Variants in TP63 observed in about 807,000 individuals in gnomAD.
TP63 encodes tumor protein p63, also known as tumor protein 63.
A neutral mutation model predicts 82.8 loss-of-function variants in TP63; 17 were observed. The observed-to-expected ratio is 0.21, with a 90% CI of 0.14 to 0.31. The LOEUF (loss-of-function observed/expected upper bound fraction) is 0.31, where lower values mean the gene tolerates loss of function less well. Ranked by LOEUF, TP63 falls within the 10% of genes least tolerant of loss-of-function variation. TP63 has a pLI of 1.00. For missense variants in TP63, 648 were observed against 895.3 expected, an observed-to-expected ratio of 0.72 and a Z score of 3.52; for synonymous variants, 330 against 321.7, an observed-to-expected ratio of 1.03 and a Z score of -0.28.
the TP63 span, among the ~76,000 whole-genome samples, chr3:189,607,515 T>A: frequency 6.6e-5 from 10 of 152,068 alleles, no homozygotes; most frequent in South Asian, 2.1e-4. Context: ...TGAAATTTTT[T>A]AAAAAATAAT....
At chr3:189,761,191 A>AT (rs2108538591) in intron 3 of TP63, among the ~76,000 whole-genome samples, 1 of 152,248 alleles carries the variant, frequency 6.6e-6, no homozygotes, top group South Asian at 2.1e-4. Flanking sequence ...ACTTATGCAA[A>AT]TTGCTGCAGC....
At chr3:189,881,888 C>T (rs903108904) in intron 10 of TP63, among the ~76,000 whole-genome samples, 7 of 151,934 alleles carry the variant, frequency 4.6e-5, no homozygotes, top group African/African-American at 1.7e-4. Flanking sequence ...AATAACATGG[C>T]TTCTGTGGCA....
At chr3:189,626,689 G>T (rs555936675), upstream of TP63, among the ~76,000 whole-genome samples, 7 of 152,170 alleles carry the variant, frequency 4.6e-5, no homozygotes, top group Non-Finnish European at 8.8e-5. Context: ...GCCAAACATG[G>T]CATCTTTCTT....
intron 4 of TP63, among the ~76,000 whole-genome samples, chr3:189,818,559 A>G (rs1433597236): frequency 6.6e-6 from 1 of 152,088 alleles, no homozygotes. Flanking sequence ...TGAGAAGCCT[A>G]TGTTTCTCAA....
chr3:189,779,811 T>C (rs1020861518), intron 3 of TP63, among the ~76,000 whole-genome samples: 9 of 152,126 alleles, frequency 5.9e-5, no homozygotes, highest in South Asian at 2.1e-4. Flanking sequence ...CACAGACTTA[T>C]TATATGGATC....
the TP63 span, among the ~76,000 whole-genome samples, chr3:189,621,047 T>A: frequency 8.5e-5 from 13 of 152,226 alleles, no homozygotes; most frequent in Non-Finnish European, 1.8e-4. Context: ...CTTTCTTTCA[T>A]GTACATTTAT....
At chr3:189,618,795 T>C in the TP63 span, among the ~76,000 whole-genome samples, 1 of 152,304 alleles carries the variant, frequency 6.6e-6, no homozygotes, top group Non-Finnish European at 1.5e-5. Context: ...TCTGGCTTCA[T>C]ATTATATATC....
intron 4 of TP63, among the ~76,000 whole-genome samples, chr3:189,810,648 G>A (rs1727444437): frequency 6.6e-6 from 1 of 151,872 alleles, no homozygotes; most frequent in African/African-American, 2.4e-5. Flanking sequence ...ACGAGGTCAG[G>A]AGTTCAAGAC....
At chr3:189,791,303 G>T (rs1576964020) in intron 3 of TP63, among the ~76,000 whole-genome samples, 1 of 152,076 alleles carries the variant, frequency 6.6e-6, no homozygotes, top group African/African-American at 2.4e-5. Context: ...TCTGTTCATT[G>T]ATATCTCTAA....
intron 1 of TP63, among the ~76,000 whole-genome samples, chr3:189,647,581 TG>T (rs1712526575): frequency 6.8e-6 from 1 of 146,640 alleles, no homozygotes; most frequent in African/African-American, 2.6e-5. Context: ...CTACGTGGAT[TG>T]TTTTTAGGGA....
At chr3:189,706,592 C>T (rs532379841) in intron 1 of TP63, among the ~76,000 whole-genome samples, 147 of 152,272 alleles carry the variant, frequency 9.7e-4, no homozygotes, top group African/African-American at 3.0e-3. Context: ...CCCTTGGAGA[C>T]TCTTCCCATC....
intron 4 of TP63, among the ~76,000 whole-genome samples, chr3:189,819,747 CTTTTTT>C (rs367763002): frequency 3.3e-5 from 3 of 89,856 alleles, no homozygotes; most frequent in Admixed American, 1.6e-4. Flanking sequence ...TATATTTTAC[CTTTTTT>C]TTTTTTTTTT....
At chr3:189,882,295 T>G (rs1272759101) in intron 10 of TP63, among the ~76,000 whole-genome samples, 1 of 152,116 alleles carries the variant, frequency 6.6e-6, no homozygotes. Flanking sequence ...AATGCACATA[T>G]TTGAAATGAT....
intron 4 of TP63, among the ~76,000 whole-genome samples, chr3:189,859,419 T>G (rs769965385): frequency 1.3e-5 from 2 of 152,156 alleles, no homozygotes; most frequent in Non-Finnish European, 2.9e-5. Flanking sequence ...GTTTTTATTT[T>G]TATTATATAT....
chr3:189,760,875 G>T (rs1722515203), intron 3 of TP63, among the ~76,000 whole-genome samples: 1 of 152,192 alleles, frequency 6.6e-6, no homozygotes, highest in Admixed American at 6.5e-5. Flanking sequence ...TCAAACCTCA[G>T]TTCTTGACTT....
At chr3:189,629,441 G>A (rs10937397), upstream of TP63, among the ~76,000 whole-genome samples, 140,223 of 152,212 alleles carry the variant, frequency 0.92, 65,722 homozygotes, top group East Asian at 1. Flanking sequence ...AAATTTTAAA[G>A]ACACAACACA....
At chr3:189,701,081 C>G (rs1348651349) in intron 1 of TP63, among the ~76,000 whole-genome samples, 1 of 152,104 alleles carries the variant, frequency 6.6e-6, no homozygotes, top group Non-Finnish European at 1.5e-5. Flanking sequence ...GGCTTTGAAA[C>G]TGAAGATTGT....
chr3:189,720,757 A>AAG (rs11398111), intron 1 of TP63, among the ~76,000 whole-genome samples: 2 of 147,392 alleles, frequency 1.4e-5, no homozygotes, highest in Non-Finnish European at 3.0e-5. Flanking sequence ...AAAAAAAAAA[A>AAG]GAAGAAGACT....
rs541762904 is a variant in TP63 at position 189,674,079 on chromosome 3, T to C, written c.62+42502T>C. ...CATAATGGTGAGAAATCCAGGCTTA[T>C]TTAGCCTTTTATTTACTAATAAATT... On this transcript the variant is annotated intron_variant, in intron 1 of 13. Transcript: ENST00000264731. Among the ~76,000 whole-genome samples, 64 of 152,282 alleles carry C rather than the reference T, an allele frequency of 4.2e-4. No individual in the cohort carries two copies. The South Asian group carries it at 0.013, about 31-fold the overall frequency.
Sources: gnomAD v4.1 joint callset for allele counts (sites outside exome capture counted in the v4.1 genomes callset) on GRCh38, gnomAD v4.1.1 for gene constraint, MANE v1.5 for transcripts, NCBI Gene and HGNC (gene_info 2026-07-23, HGNC 2026-07-21) for gene names.